The following ZPLD1 variants were observed in gnomAD, a reference collection of about 807,000 sequenced individuals.
ZPLD1 encodes the protein zona pellucida like domain containing 1, also known as zona pellucida-like domain-containing protein 1.
ZPLD1 carries 34 observed loss-of-function variants against 47.2 expected under a neutral mutation model. The ratio of observed to expected loss-of-function variants is 0.72; its 90% CI spans 0.55 to 0.96. The LOEUF (loss-of-function observed/expected upper bound fraction) is 0.96. Among genes scored for constraint, ZPLD1 ranks in the 40% least tolerant of loss-of-function variants. ZPLD1 has a pLI of 0.00. For missense variants in ZPLD1, 512 were observed against 505.8 expected (o/e 1.01, Z -0.12); for synonymous variants, 176 against 186.2 (o/e 0.95, Z 0.45).
intron 7 of ZPLD1, among the ~76,000 whole-genome samples, chr3:102,416,940 T>C (rs1347941131): frequency 6.6e-6 from 1 of 151,950 alleles, no homozygotes; most frequent in Non-Finnish European, 1.5e-5. Context: ...CTTCTGGCTA[T>C]TATATTTTTA....
intron 8 of ZPLD1, 108 bp downstream of exon 8, chr3:102,464,359 G>T: frequency 1.4e-6 from 1 of 737,280 alleles, no homozygotes. Flanking sequence ...TATAGCTTTT[G>T]AATTTCAAGT....
At chr3:102,404,883 C>G (rs191474256) in intron 7 of ZPLD1, among the ~76,000 whole-genome samples, 2 of 151,992 alleles carry the variant, frequency 1.3e-5, no homozygotes, top group East Asian at 1.9e-4. Context: ...CACAAGGTTA[C>G]GTATTATATA....
chr3:102,475,951 T>C (rs1559763701), intron 10 of ZPLD1, among the ~76,000 whole-genome samples: 1 of 152,170 alleles, frequency 6.6e-6, no homozygotes, highest in Non-Finnish European at 1.5e-5. Flanking sequence ...ATATTTTTCA[T>C]ATTGGTCAGT....
intron 7 of ZPLD1, among the ~76,000 whole-genome samples, chr3:102,406,126 A>G (rs1706682228): frequency 6.6e-6 from 1 of 151,998 alleles, no homozygotes. Context: ...ATACAGTTGT[A>G]CACTAAGGAT....
At chr3:102,440,744 A>C (rs963809964) in intron 3 of ZPLD1, among the ~76,000 whole-genome samples, 4 of 151,468 alleles carry the variant, frequency 2.6e-5, no homozygotes, top group African/African-American at 9.7e-5. Context: ...AAAAAAAAAA[A>C]AAAAAAGAAA....
chr3:102,453,217 C>A (rs1435862829), intron 4 of ZPLD1, 78 bp downstream of exon 4: 3 of 1,275,546 alleles, frequency 2.4e-6, no homozygotes, highest in African/African-American at 3.0e-5. Flanking sequence ...GAATAAGATG[C>A]CCAATCTATC....
chr3:102,451,214 A>C (rs188799606), intron 3 of ZPLD1, among the ~76,000 whole-genome samples: 1 of 152,240 alleles, frequency 6.6e-6, no homozygotes, highest in Non-Finnish European at 1.5e-5. Flanking sequence ...TAAACACTCT[A>C]AAGAGATAAT....
In ZPLD1 at chr3:102,459,713, G is replaced by A. The variant is rs1023751204; in HGVS notation, c.582+1860G>A. Among the ~76,000 whole-genome samples the A allele has an allele frequency of 2.0e-5, 3 of 152,116 alleles. No individual in the cohort carries two copies. In the South Asian group the frequency reaches 6.2e-4, roughly 32 times the overall value. On this transcript the variant is annotated intron_variant, in intron 6 of 11. Coordinates refer to ENST00000466937, the MANE Select transcript of ZPLD1 (RefSeq NM_001329788.2). Reference sequence around the variant, plus strand: ...ATCAGTTATAGAGCAGTTTTAGTTTGGCAGAAAAGTTGATTAGAAAGTACA... The same window carrying A: ...ATCAGTTATAGAGCAGTTTTAGTTTAGCAGAAAAGTTGATTAGAAAGTACA...
intron 9 of ZPLD1, 143 bp from the exon 10 acceptor site, chr3:102,470,251 A>G (rs1371249616): frequency 3.1e-6 from 2 of 654,930 alleles, no homozygotes; most frequent in Non-Finnish European, 5.3e-6. Context: ...AGTTACATGC[A>G]AAGTAATTAA....
intron 7 of ZPLD1, among the ~76,000 whole-genome samples, chr3:102,397,140 T>A (rs1232935629): frequency 6.6e-6 from 1 of 152,154 alleles, no homozygotes; most frequent in Non-Finnish European, 1.5e-5. Context: ...AAATTTTTCA[T>A]ATCCTTCAAT....
At chr3:102,452,789 T>A in intron 3 of ZPLD1, 130 bp from the exon 4 acceptor site, 1 of 1,016,846 alleles carries the variant, frequency 9.8e-7, no homozygotes, top group African/African-American at 1.6e-5. Flanking sequence ...CACATTGGAT[T>A]ATGGTGTATC....
chr3:102,426,126 A>G (rs985997554), intron 8 of ZPLD1, among the ~76,000 whole-genome samples: 1 of 138,702 alleles, frequency 7.2e-6, no homozygotes. Flanking sequence ...ACACACACAC[A>G]CACATGCACA....
chr3:102,475,769 G>A (rs1327716057), intron 10 of ZPLD1, among the ~76,000 whole-genome samples: 1 of 151,992 alleles, frequency 6.6e-6, no homozygotes, highest in African/African-American at 2.4e-5. Flanking sequence ...TTAATTTTGA[G>A]CATTGTACTT....
At chr3:102,402,694 GA>G (rs1412817701) in intron 7 of ZPLD1, among the ~76,000 whole-genome samples, 1 of 151,922 alleles carries the variant, frequency 6.6e-6, no homozygotes, top group Non-Finnish European at 1.5e-5. Flanking sequence ...ATGACAATGA[GA>G]ATGCTTTTTA....
intron 9 of ZPLD1, among the ~76,000 whole-genome samples, chr3:102,469,795 G>T (rs1028313010): frequency 1.3e-5 from 2 of 152,112 alleles, no homozygotes; most frequent in Non-Finnish European, 2.9e-5. Context: ...CATCTGTATT[G>T]CATACAGCCA....
Position 102,439,876 on chromosome 3 carries a change from A to G in ZPLD1, c.106+1283A>G, listed in dbSNP as rs116216173. 4.9e-3 allele frequency among the ~76,000 whole-genome samples: 752 copies of G among 152,314 alleles called. 3 individuals are homozygous for G. The highest frequency in any genetic ancestry group is 0.016 in the African/African-American group (684 of 41,576). On this transcript the variant is annotated intron_variant, in intron 3 of 11. Coordinates refer to ENST00000466937, the MANE Select transcript of ZPLD1 (RefSeq NM_001329788.2). Reference sequence around the variant, plus strand: ...TGCTTCTAAAATCTTCACATAGAGTATTTGTTGATATATCTTTTATTTCAT... The same window carrying G: ...TGCTTCTAAAATCTTCACATAGAGTGTTTGTTGATATATCTTTTATTTCAT...
At position 102,396,275 on chromosome 3, in the gene ZPLD1, C is replaced by T. The variant is rs115755831; in HGVS notation, c.-157+4050C>T. Among the ~76,000 whole-genome samples the T allele has an allele frequency of 3.2e-3, 488 of 152,270 alleles. 4 individuals are homozygous for T. Among genetic ancestry groups the T allele is most frequent in the African/African-American group, 0.012 (481 of 41,574 alleles). On this transcript the variant is annotated intron_variant, in intron 7 of 17. Transcript: ENST00000491959. ...CTCTAATTGCATTACCTGTTTGTAA[C>T]AGTCTTCACATGCAAGCTGCTTCAT...
intron 8 of ZPLD1, among the ~76,000 whole-genome samples, chr3:102,425,854 C>T (rs985727653): frequency 1.3e-5 from 2 of 150,488 alleles, no homozygotes; most frequent in Non-Finnish European, 3.0e-5. Context: ...ATTTTTACTT[C>T]TATGCCTTAA....
At chr3:102,428,173 C>G (rs926319990) in intron 8 of ZPLD1, among the ~76,000 whole-genome samples, 1 of 151,886 alleles carries the variant, frequency 6.6e-6, no homozygotes, top group African/African-American at 2.4e-5. Context: ...TATTTATTAC[C>G]CTGTATAAAC....
Sources: gnomAD v4.1 joint callset for allele counts (sites outside exome capture counted in the v4.1 genomes callset) on GRCh38, gnomAD v4.1.1 for gene constraint, MANE v1.5 for transcripts, NCBI Gene and HGNC (gene_info 2026-07-23, HGNC 2026-07-21) for gene names.